The following TMCC1 variants were observed in gnomAD, a reference collection of about 807,000 sequenced individuals.
TMCC1 encodes the protein transmembrane and coiled-coil domains protein 1.
TMCC1 carries 15 observed loss-of-function variants against 52.4 expected under a neutral mutation model. The observed-to-expected ratio is 0.29, with a 90% confidence interval of 0.19 to 0.44. The LOEUF (loss-of-function observed/expected upper bound fraction) is 0.44, where lower values mean the gene tolerates loss of function less well. Ranked by LOEUF, TMCC1 falls within the 20% of genes least tolerant of loss-of-function variation. The probability of loss-of-function intolerance (pLI) is 1.00; values close to 1 mark genes in which losing one functional copy is unlikely to be tolerated. For synonymous variants in TMCC1, 279 were observed against 301.9 expected, an observed-to-expected ratio of 0.92 and a Z score of 0.79; for missense variants, 503 against 806.0, an observed-to-expected ratio of 0.62 and a Z score of 4.55.
chr3:129,875,789 A>G (rs371296984), intron 2 of TMCC1, among the ~76,000 whole-genome samples: 2 of 152,346 alleles, frequency 1.3e-5, no homozygotes, highest in East Asian at 1.9e-4. Context: ...GGTTATTTAC[A>G]TAAGCTCATC....
intron 4 of TMCC1, among the ~76,000 whole-genome samples, chr3:129,728,001 T>C (rs1405350764): frequency 6.6e-6 from 1 of 152,202 alleles, no homozygotes; most frequent in Non-Finnish European, 1.5e-5. Flanking sequence ...ACAGCTAGCA[T>C]GTGAGTGAGG....
At chr3:129,680,953 G>A (rs942664302) in intron 4 of TMCC1, among the ~76,000 whole-genome samples, 1 of 151,740 alleles carries the variant, frequency 6.6e-6, no homozygotes, top group Admixed American at 6.6e-5. Flanking sequence ...TCCCACATAT[G>A]TGATTACATC....
intron 2 of TMCC1, among the ~76,000 whole-genome samples, chr3:129,833,068 CA>C (rs1310141541): frequency 1.3e-5 from 2 of 151,826 alleles, no homozygotes; most frequent in Non-Finnish European, 2.9e-5. Context: ...ATTAACTTAG[CA>C]CTTGAAAAAG....
chr3:129,884,688 G>T (rs2061610246), intron 1 of TMCC1, among the ~76,000 whole-genome samples: 1 of 152,012 alleles, frequency 6.6e-6, no homozygotes, highest in African/African-American at 2.4e-5. Flanking sequence ...AAACCTCCTT[G>T]TTTCCAGCTT....
At chr3:129,789,874 T>G (rs886509943) in intron 4 of TMCC1, among the ~76,000 whole-genome samples, 9 of 152,200 alleles carry the variant, frequency 5.9e-5, no homozygotes, top group African/African-American at 1.9e-4. Flanking sequence ...ATTTTTAGAC[T>G]AAAATATTTC....
At chr3:129,891,269 T>C (rs911014357) in intron 1 of TMCC1, among the ~76,000 whole-genome samples, 1 of 152,270 alleles carries the variant, frequency 6.6e-6, no homozygotes, top group Non-Finnish European at 1.5e-5. Context: ...AAACATTTTC[T>C]ATAAAAGGCC....
intron 4 of TMCC1, among the ~76,000 whole-genome samples, chr3:129,791,296 T>C (rs900002048): frequency 6.6e-6 from 1 of 152,018 alleles, no homozygotes. Context: ...GGTTTCACCA[T>C]GTTAGCCAGG....
At chr3:129,717,782 A>T (rs1372068304) in intron 4 of TMCC1, among the ~76,000 whole-genome samples, 1 of 152,194 alleles carries the variant, frequency 6.6e-6, no homozygotes, top group Non-Finnish European at 1.5e-5. Context: ...AACCATGATC[A>T]TATATTGTCT....
intron 4 of TMCC1, among the ~76,000 whole-genome samples, chr3:129,827,294 TATA>T (rs1401236015): frequency 1.3e-5 from 2 of 152,234 alleles, no homozygotes; most frequent in African/African-American, 4.8e-5. Flanking sequence ...AATAGTACAC[TATA>T]ATAATGTATA....
chr3:129,687,853 C>T (rs2089516580), intron 4 of TMCC1, among the ~76,000 whole-genome samples: 2 of 152,114 alleles, frequency 1.3e-5, no homozygotes, highest in South Asian at 4.1e-4. Context: ...TTCCTTCTCC[C>T]GCTTCAGACT....
chr3:129,663,768 C>G (rs1429640106), intron 5 of TMCC1, among the ~76,000 whole-genome samples: 2 of 152,150 alleles, frequency 1.3e-5, no homozygotes, highest in African/African-American at 4.8e-5. Flanking sequence ...TTCTAACATT[C>G]TGGCACAACC....
chr3:129,668,162 T>C (rs1246609389), intron 5 of TMCC1, among the ~76,000 whole-genome samples: 2 of 152,170 alleles, frequency 1.3e-5, no homozygotes, highest in Non-Finnish European at 2.9e-5. Flanking sequence ...CACTCCAGCA[T>C]GGGCAATAAA....
Position 129,893,653 on chromosome 3 carries a change from T to TCACCGC in TMCC1, c.-600_-595dup, listed in dbSNP as rs1251332354. 6.9e-5 allele frequency: 10 copies of TCACCGC among 145,018 alleles called. No homozygotes were observed. Among genetic ancestry groups the TCACCGC allele is most frequent in the Admixed American group, 6.8e-5 (1 of 14,682 alleles). The allele number at this position is 145,018 out of a possible 1,614,324, so 9.0% of individuals were successfully genotyped here. The stretch of plus-strand genomic sequence containing the variant: ...GCCGCCTCAGCCGCCGCCGCCTCAG[T>TCACCGC]CACCGCCACCGCCGCCGCCGCCTCA... On this transcript the variant is annotated 5_prime_UTR_variant, in exon 1 of 7. Coordinates refer to ENST00000393238, the MANE Select transcript of TMCC1 (RefSeq NM_001017395.5).
At chr3:129,731,041 A>G (rs1413985990) in intron 4 of TMCC1, among the ~76,000 whole-genome samples, 1 of 152,326 alleles carries the variant, frequency 6.6e-6, no homozygotes, top group South Asian at 2.1e-4. Context: ...CCCGGAGAAG[A>G]TCTGTTAAAA....
intron 5 of TMCC1, among the ~76,000 whole-genome samples, chr3:129,662,289 G>A (rs554847928): frequency 6.6e-6 from 1 of 152,164 alleles, no homozygotes; most frequent in South Asian, 2.1e-4. Context: ...ATCACTATGT[G>A]AACACCATAC....
intron 5 of TMCC1, among the ~76,000 whole-genome samples, chr3:129,664,057 A>G (rs2087256518): frequency 6.6e-6 from 1 of 152,190 alleles, no homozygotes; most frequent in Admixed American, 6.5e-5. Context: ...TTTAGCGGCT[A>G]AACGCTAAAC....
chr3:129,758,589 T>C (rs2053220476), intron 4 of TMCC1, among the ~76,000 whole-genome samples: 1 of 152,214 alleles, frequency 6.6e-6, no homozygotes, highest in African/African-American at 2.4e-5. Context: ...CTGGAGTATC[T>C]TTATGTTAGT....
chr3:129,729,900 G>C (rs574958330), intron 4 of TMCC1, among the ~76,000 whole-genome samples: 5 of 152,260 alleles, frequency 3.3e-5, no homozygotes, highest in Non-Finnish European at 5.9e-5. Context: ...ATTGAGCGGA[G>C]ATGGGAGGAA....
At chr3:129,781,101 A>C (rs1457125420) in intron 4 of TMCC1, among the ~76,000 whole-genome samples, 3 of 152,038 alleles carry the variant, frequency 2.0e-5, no homozygotes, top group Non-Finnish European at 1.5e-5. Flanking sequence ...CACTATTTAC[A>C]CCATGGGTTT....
Sources: gnomAD v4.1 joint callset for allele counts (sites outside exome capture counted in the v4.1 genomes callset) on GRCh38, gnomAD v4.1.1 for gene constraint, MANE v1.5 for transcripts, NCBI Gene and HGNC (gene_info 2026-07-23, HGNC 2026-07-21) for gene names.